The following UVRAG variants were observed in gnomAD, a reference collection of about 807,000 sequenced individuals.
UVRAG encodes the protein UV radiation resistance associated.
A neutral mutation model predicts 78.0 loss-of-function variants in UVRAG; 19 were observed. The observed-to-expected ratio is 0.24, with a 90% CI of 0.17 to 0.36. UVRAG has a LOEUF of 0.36. UVRAG is among the 10% of genes least tolerant of loss of function. The pLI, the probability that UVRAG is intolerant of heterozygous loss-of-function variation, is 1.00. For synonymous variants in UVRAG, 323 were observed against 324.6 expected, an observed-to-expected ratio of 1.00 and a Z score of 0.05; for missense variants, 740 against 853.8, an observed-to-expected ratio of 0.87 and a Z score of 1.66.
At chr11:75,889,340 C>T (rs1381123630) in intron 5 of UVRAG, among the ~76,000 whole-genome samples, 5 of 152,194 alleles carry the variant, frequency 3.3e-5, no homozygotes, top group Admixed American at 6.5e-5. Context: ...GAAAGGGAAG[C>T]GAATTCACAT....
intron 13 of UVRAG, among the ~76,000 whole-genome samples, chr11:76,096,670 C>T (rs1565159362): frequency 1.3e-5 from 2 of 152,160 alleles, no homozygotes; most frequent in Admixed American, 6.5e-5. Flanking sequence ...TTAAGTTATG[C>T]TCTACTCCAT....
rs537094846 is a variant in UVRAG at position 75,905,371 on chromosome 11, A to G, written c.508-6583A>G. ...GGGTACATTCACAGTGTTGTGTACC[A>G]CCATCTCTGTCAAGTTGCAAAACAT... On this transcript the variant is annotated intron_variant, in intron 5 of 14. Transcript: ENST00000356136. 2.6e-5 allele frequency among the ~76,000 whole-genome samples: 4 copies of G among 152,308 alleles called. No individual in the cohort carries two copies. In the South Asian group the frequency reaches 8.3e-4, roughly 32 times the overall value.
Position 75,839,862 on chromosome 11 carries a change from TAGAG to T in UVRAG, c.118-12005_118-12002del, listed in dbSNP as rs1555071898. ...ATACACACCCCCACACATATATATA[TAGAG>T]AGAGAGAGAGAGAGAAAGAGATTGA... On this transcript the variant is annotated intron_variant, in intron 1 of 14. Transcript: ENST00000356136. Among the ~76,000 whole-genome samples the T allele has an allele frequency of 7.2e-3, 1,072 of 149,024 alleles. 7 individuals carry two copies. The highest frequency in any genetic ancestry group is 0.011 in the Non-Finnish European group (769 of 67,284).
intron 13 of UVRAG, among the ~76,000 whole-genome samples, chr11:76,078,912 G>A (rs562792918): frequency 6.6e-6 from 1 of 151,986 alleles, no homozygotes; most frequent in African/African-American, 2.4e-5. Context: ...CTGGGCTACA[G>A]AGCAAGACTC....
chr11:75,860,774 ATTTCTTTTCT>A (rs780195030), intron 2 of UVRAG, among the ~76,000 whole-genome samples: 154 of 151,086 alleles, frequency 1.0e-3, no homozygotes, highest in Middle Eastern at 6.8e-3. Context: ...TGAGCGTGCA[ATTTCTTTTCT>A]TTTCTTTTCT....
At chr11:76,102,252 T>C (rs1211554082) in intron 13 of UVRAG, among the ~76,000 whole-genome samples, 2 of 152,218 alleles carry the variant, frequency 1.3e-5, no homozygotes, top group African/African-American at 4.8e-5. Flanking sequence ...TTGATTTCTT[T>C]GAGCAGTGTT....
intron 7 of UVRAG, among the ~76,000 whole-genome samples, chr11:75,977,606 A>C (rs1420753466): frequency 6.6e-6 from 1 of 152,084 alleles, no homozygotes; most frequent in South Asian, 2.1e-4. Flanking sequence ...AGTTGAATTG[A>C]TCTCTTTACC....
At chr11:76,037,925 A>G (rs904818343) in intron 12 of UVRAG, among the ~76,000 whole-genome samples, 3 of 152,176 alleles carry the variant, frequency 2.0e-5, no homozygotes, top group African/African-American at 4.8e-5. Context: ...TGCAGATTCA[A>G]CCAGCCACGG....
intron 13 of UVRAG, among the ~76,000 whole-genome samples, chr11:76,096,317 A>G (rs1270777872): frequency 2.6e-5 from 4 of 152,234 alleles, no homozygotes; most frequent in Non-Finnish European, 5.9e-5. Flanking sequence ...GAAAAAATGT[A>G]TGTTAAATAT....
intron 7 of UVRAG, among the ~76,000 whole-genome samples, chr11:75,966,892 G>A (rs1949034418): frequency 6.6e-6 from 1 of 152,148 alleles, no homozygotes; most frequent in South Asian, 2.1e-4. Context: ...ATAGGATTCA[G>A]TCAGAGACTT....
At chr11:75,939,332 T>C (rs1215224771) in intron 6 of UVRAG, among the ~76,000 whole-genome samples, 2 of 152,154 alleles carry the variant, frequency 1.3e-5, no homozygotes, top group Admixed American at 6.5e-5. Flanking sequence ...ACCAATCTTA[T>C]GGGAAGCTGA....
intron 12 of UVRAG, among the ~76,000 whole-genome samples, chr11:76,023,867 C>T (rs1017113585): frequency 3.3e-5 from 5 of 152,016 alleles, no homozygotes; most frequent in Non-Finnish European, 5.9e-5. Context: ...AGATGTTTCC[C>T]TGGAGGGATA....
chr11:75,871,866 A>G lies in UVRAG; in HGVS notation c.271-8013A>G, dbSNP rs1400607779. Among the ~76,000 whole-genome samples, 5 of 152,206 alleles carry G rather than the reference A, an allele frequency of 3.3e-5. 1 individual carries two copies. Among genetic ancestry groups the G allele is most frequent in the South Asian group, 4.2e-4 (2 of 4,818 alleles). ...CAAACTTGGTATTATCTATCTTTCA[A>G]GTTTTAGCCATTCTGGTGGGATTAT... On this transcript the variant is annotated intron_variant, in intron 3 of 14. Coordinates refer to ENST00000356136, the MANE Select transcript of UVRAG (RefSeq NM_003369.4).
intron 14 of UVRAG, among the ~76,000 whole-genome samples, chr11:76,125,574 C>T (rs941752736): frequency 2.6e-5 from 4 of 152,198 alleles, no homozygotes; most frequent in African/African-American, 4.8e-5. Context: ...TGGCCAACAT[C>T]CTTTGTGCAC....
In UVRAG at chr11:75,920,516, A is replaced by C. The variant is rs566285327; in HGVS notation, c.593+8477A>C. ...AAATAGGATTTAAGCAAAATACGGG[A>C]GTAATTATAGGGTGAAGTCTTCTCC... On this transcript the variant is annotated intron_variant, in intron 6 of 14. Coordinates refer to ENST00000356136, the MANE Select transcript of UVRAG (RefSeq NM_003369.4). Among the ~76,000 whole-genome samples, 350 of 152,242 alleles carry C rather than the reference A, an allele frequency of 2.3e-3. 1 individual carries two copies. The highest frequency in any genetic ancestry group is 3.5e-3 in the Non-Finnish European group (240 of 68,026).
chr11:75,910,105 CTGTT>C (rs772019713), intron 5 of UVRAG, among the ~76,000 whole-genome samples: 40 of 152,192 alleles, frequency 2.6e-4, no homozygotes, highest in African/African-American at 3.1e-4. Context: ...CATAGTATGT[CTGTT>C]TGGGCACTTT....
chr11:76,046,444 AAT>A (rs1264572848), intron 12 of UVRAG, among the ~76,000 whole-genome samples: 1 of 152,206 alleles, frequency 6.6e-6, no homozygotes, highest in East Asian at 1.9e-4. Context: ...GGGTTCTGGG[AAT>A]AAATTAGTGA....
chr11:75,842,686 C>T (rs907450147), intron 1 of UVRAG, among the ~76,000 whole-genome samples: 1 of 152,052 alleles, frequency 6.6e-6, no homozygotes, highest in African/African-American at 2.4e-5. Context: ...GTGATCTGCT[C>T]GCCTCAGCCT....
chr11:75,924,073 C>A (rs974486354), intron 6 of UVRAG, among the ~76,000 whole-genome samples: 16 of 152,080 alleles, frequency 1.1e-4, no homozygotes, highest in Non-Finnish European at 2.4e-4. Flanking sequence ...ATTTATATCT[C>A]AGTTTACAAT....
Sources: gnomAD v4.1 joint callset for allele counts (sites outside exome capture counted in the v4.1 genomes callset) on GRCh38, gnomAD v4.1.1 for gene constraint, MANE v1.5 for transcripts, NCBI Gene and HGNC (gene_info 2026-07-23, HGNC 2026-07-21) for gene names.